The following RABGAP1L variants were observed in gnomAD, a reference collection of about 807,000 sequenced individuals.
RABGAP1L encodes RAB GTPase activating protein 1 like.
In RABGAP1L, 63 loss-of-function variants were observed where a neutral mutation model predicts 137.7. The observed-to-expected ratio is 0.46, with a 90% CI of 0.37 to 0.56. RABGAP1L has a LOEUF of 0.56. RABGAP1L is among the 20% of genes least tolerant of loss of function. The probability of loss-of-function intolerance (pLI) is 0.00; values close to 1 mark genes in which losing one functional copy is unlikely to be tolerated. For synonymous variants in RABGAP1L, 431 were observed against 433.7 expected (o/e 0.99, Z 0.08); for missense variants, 1,095 against 1,244.0 (o/e 0.88, Z 1.80).
At chr1:174,974,184 G>A (rs951622618) in intron 21 of RABGAP1L, among the ~76,000 whole-genome samples, 2 of 151,794 alleles carry the variant, frequency 1.3e-5, no homozygotes, top group Non-Finnish European at 2.9e-5. Context: ...TAGAGACAGG[G>A]TTTCACCGTG....
intron 17 of RABGAP1L, among the ~76,000 whole-genome samples, chr1:174,723,435 T>A (rs1230440725): frequency 6.6e-6 from 1 of 152,186 alleles, no homozygotes; most frequent in Non-Finnish European, 1.5e-5. Flanking sequence ...CATCCTAATA[T>A]TATACTGAGA....
chr1:174,638,134 G>A (rs944185465), intron 14 of RABGAP1L, among the ~76,000 whole-genome samples: 6 of 152,040 alleles, frequency 3.9e-5, no homozygotes, highest in Non-Finnish European at 8.8e-5. Context: ...TACTCACATT[G>A]TTGATATCTA....
chr1:174,772,984 T>C (rs1455180242), intron 18 of RABGAP1L, among the ~76,000 whole-genome samples: 1 of 152,230 alleles, frequency 6.6e-6, no homozygotes, highest in East Asian at 1.9e-4. Flanking sequence ...TCTATTACTG[T>C]TAATACTGTA....
chr1:174,265,169 T>A (rs753161359), intron 7 of RABGAP1L, among the ~76,000 whole-genome samples: 2 of 152,176 alleles, frequency 1.3e-5, no homozygotes, highest in Non-Finnish European at 2.9e-5. Flanking sequence ...TACATTCAAT[T>A]GTAAAAATAC....
At chr1:174,979,337 C>A (rs1382352695) in intron 23 of RABGAP1L, among the ~76,000 whole-genome samples, 1 of 152,132 alleles carries the variant, frequency 6.6e-6, no homozygotes, top group East Asian at 1.9e-4. Flanking sequence ...GTTGGACATA[C>A]TTATAACTTA....
intron 19 of RABGAP1L, among the ~76,000 whole-genome samples, chr1:174,863,233 CA>C (rs71117585): frequency 1.5e-4 from 12 of 82,630 alleles, no homozygotes; most frequent in Non-Finnish European, 2.2e-4. Context: ...TTGTTTGTAG[CA>C]AAAAAAAAAA....
chr1:174,743,684 G>GT (rs111445925), intron 17 of RABGAP1L, among the ~76,000 whole-genome samples: 2,601 of 151,866 alleles, frequency 0.017, 71 homozygotes, highest in African/African-American at 0.057. Context: ...GCAAAACTAT[G>GT]TTTTTTTAAA....
At chr1:174,608,823 T>A (rs1353195942) in intron 13 of RABGAP1L, among the ~76,000 whole-genome samples, 1 of 152,122 alleles carries the variant, frequency 6.6e-6, no homozygotes, top group African/African-American at 2.4e-5. Context: ...AATTGATTAT[T>A]TGAAATAGTT....
intron 13 of RABGAP1L, among the ~76,000 whole-genome samples, chr1:174,587,219 G>A (rs1324640673): frequency 1.4e-5 from 2 of 143,072 alleles, no homozygotes; most frequent in Non-Finnish European, 3.0e-5. Flanking sequence ...ATGTGTGCAT[G>A]TGTCTTTATA....
rs928542295 is a variant in RABGAP1L at position 174,241,717 on chromosome 1, C to G, written c.717+60C>G. The G allele has an allele frequency of 3.0e-6, 4 of 1,328,014 alleles. No homozygotes were observed. The African/African-American group carries it at 5.9e-5, about 20-fold the overall frequency. The allele number at this position is 1,328,014 out of a possible 1,614,324, so 82.3% of individuals were successfully genotyped here. ...GATGAATTAGGGTAATATTTTTGAG[C>G]TCTAATTTCACTGTTGTATAAATAT... On this transcript the variant is annotated intron_variant, in intron 5 of 25. Coordinates refer to ENST00000681986, the MANE Select transcript of RABGAP1L (RefSeq NM_001366446.1).
In RABGAP1L at chr1:174,993,637, TA is replaced by T. The variant is rs766296930; in HGVS notation, c.*3640del. The stretch of plus-strand genomic sequence containing the variant: ...GGGGTTTAAGTCTTCATACTTTCAC[TA>T]AAATCTGTCTACTAACTCTCCCACC... On this transcript the variant is annotated 3_prime_UTR_variant, in exon 26 of 26. Transcript: ENST00000681986. 2.6e-5 allele frequency: 4 copies of T among 152,220 alleles called. No individual in the cohort carries two copies. Among genetic ancestry groups the T allele is most frequent in the African/African-American group, 9.6e-5 (4 of 41,452 alleles). 9.4% of individuals were successfully genotyped at this position (152,220 alleles called of 1,614,324 possible). A position where few individuals can be genotyped will look rare whatever the true frequency, so the allele number is the denominator to read the frequency against.
chr1:174,559,709 C>T (rs1353217501), intron 13 of RABGAP1L, among the ~76,000 whole-genome samples: 1 of 152,112 alleles, frequency 6.6e-6, no homozygotes, highest in African/African-American at 2.4e-5. Context: ...TATTGAAGTC[C>T]TCATGATGAG....
chr1:174,629,724 C>T (rs368501288), intron 13 of RABGAP1L, among the ~76,000 whole-genome samples: 3 of 152,040 alleles, frequency 2.0e-5, no homozygotes, highest in Admixed American at 1.3e-4. Flanking sequence ...TGGGTTTCAC[C>T]GTGTTGCCAG....
intron 1 of RABGAP1L, among the ~76,000 whole-genome samples, chr1:174,200,860 CTT>C (rs1360440118): frequency 6.6e-6 from 1 of 152,138 alleles, no homozygotes; most frequent in Non-Finnish European, 1.5e-5. Context: ...AGTACAGTGT[CTT>C]TTGTTTTGAA....
At chr1:174,387,633 A>G (rs901276517) in intron 12 of RABGAP1L, among the ~76,000 whole-genome samples, 26 of 151,926 alleles carry the variant, frequency 1.7e-4, no homozygotes, top group Non-Finnish European at 3.7e-4. Context: ...TGGGTTGATG[A>G]TATTTATACC....
Position 174,192,514 on chromosome 1 carries a change from G to C in RABGAP1L, c.-33-26611G>C, listed in dbSNP as rs894886842. Among the ~76,000 whole-genome samples, 13 of 152,012 alleles carry C rather than the reference G, an allele frequency of 8.6e-5. No homozygotes were observed. In the South Asian group the frequency reaches 2.1e-3, roughly 24 times the overall value. ...AATTTTGTATTTTTATTAGAGACAG[G>C]GTTTTACCATCTTGCCAGACTGGTC... On this transcript the variant is annotated intron_variant, in intron 1 of 25. Coordinates refer to ENST00000681986, the MANE Select transcript of RABGAP1L (RefSeq NM_001366446.1).
chr1:174,380,498 C>A (rs1054831931), intron 12 of RABGAP1L, among the ~76,000 whole-genome samples: 1 of 151,690 alleles, frequency 6.6e-6, no homozygotes, highest in Non-Finnish European at 1.5e-5. Flanking sequence ...GATTCAACTT[C>A]TTCCTGGTTT....
intron 12 of RABGAP1L, among the ~76,000 whole-genome samples, chr1:174,384,588 C>G (rs956168207): frequency 1.3e-5 from 2 of 151,634 alleles, no homozygotes; most frequent in African/African-American, 2.4e-5. Context: ...GTTCTTTTCT[C>G]TTGTCAGAAC....
rs1656593957 is a variant in RABGAP1L at position 174,460,731 on chromosome 1, A to G, written c.1710+66586A>G. ...TGCTAGCATCAATTCTACATTAATA[A>G]ATAAATTAAAGGAATTTGATTTTTT... On this transcript the variant is annotated intron_variant, in intron 13 of 25. Transcript: ENST00000681986. Among the ~76,000 whole-genome samples, 5 of 152,192 alleles carry G rather than the reference A, an allele frequency of 3.3e-5. No individual in the cohort carries two copies. The South Asian group carries it at 1.0e-3, about 32-fold the overall frequency.
Sources: gnomAD v4.1 joint callset for allele counts (sites outside exome capture counted in the v4.1 genomes callset) on GRCh38, gnomAD v4.1.1 for gene constraint, MANE v1.5 for transcripts, NCBI Gene and HGNC (gene_info 2026-07-23, HGNC 2026-07-21) for gene names.